Variants in CNTNAP5 observed in about 807,000 individuals in gnomAD.
CNTNAP5 encodes contactin-associated protein-like 5.
In CNTNAP5, 72 loss-of-function variants were observed where a neutral mutation model predicts 150.2. The ratio of observed to expected loss-of-function variants is 0.48; its 90% CI spans 0.40 to 0.58. CNTNAP5 has a LOEUF of 0.58. CNTNAP5 is among the 20% of genes least tolerant of loss of function. The pLI is 0.00. For missense variants in CNTNAP5, 1,636 were observed against 1,626.2 expected (o/e 1.01, Z -0.10); for synonymous variants, 672 against 619.8 (o/e 1.08, Z -1.25).
chr2:124,294,985 G>A (rs1186042162), intron 3 of CNTNAP5, among the ~76,000 whole-genome samples: 1 of 151,984 alleles, frequency 6.6e-6, no homozygotes, highest in Non-Finnish European at 1.5e-5. Flanking sequence ...GGGATTACAG[G>A]CACCCAGCTA....
In CNTNAP5 at chr2:124,700,950, A is replaced by T. The variant is rs202123663; in HGVS notation, c.2078-46279A>T. On this transcript the variant is annotated intron_variant, in intron 13 of 23. Coordinates refer to ENST00000682447, the MANE Select transcript of CNTNAP5 (RefSeq NM_001367498.1). ...TAATAGTAAAAAGGTTATTATACTG[A>T]GGCAAATTAACGTATCTATCATCTC... 8.5e-5 allele frequency among the ~76,000 whole-genome samples: 13 copies of T among 152,210 alleles called. No homozygotes were observed. The East Asian group carries it at 2.5e-3, about 29-fold the overall frequency.
chr2:124,258,677 G>A (rs1045864273), intron 3 of CNTNAP5, among the ~76,000 whole-genome samples: 1 of 152,144 alleles, frequency 6.6e-6, no homozygotes, highest in African/African-American at 2.4e-5. Flanking sequence ...AGTTGTGACT[G>A]TGCTATCCTG....
At chr2:124,503,507 T>G (rs1037155096) in intron 7 of CNTNAP5, among the ~76,000 whole-genome samples, 7 of 152,240 alleles carry the variant, frequency 4.6e-5, no homozygotes, top group African/African-American at 1.7e-4. Context: ...TTGGGTTCGA[T>G]GCACACTTAA....
chr2:124,555,008 C>T (rs1695718413), intron 10 of CNTNAP5, among the ~76,000 whole-genome samples: 1 of 152,116 alleles, frequency 6.6e-6, no homozygotes, highest in Admixed American at 6.6e-5. Context: ...TGATGTAAGA[C>T]ATTAAGATTC....
At chr2:124,168,801 AT>A (rs928833680) in intron 1 of CNTNAP5, among the ~76,000 whole-genome samples, 3 of 152,126 alleles carry the variant, frequency 2.0e-5, no homozygotes, top group Admixed American at 6.5e-5. Context: ...ATTTATTGAA[AT>A]TTTTTTCTCA....
At chr2:124,038,455 C>T (rs548582839) in intron 1 of CNTNAP5, among the ~76,000 whole-genome samples, 2 of 152,066 alleles carry the variant, frequency 1.3e-5, no homozygotes, top group Non-Finnish European at 2.9e-5. Context: ...TACAGTCTTG[C>T]CTCTCTTCTG....
At chr2:124,529,825 G>A (rs1019765614) in intron 10 of CNTNAP5, among the ~76,000 whole-genome samples, 6 of 152,072 alleles carry the variant, frequency 3.9e-5, no homozygotes, top group South Asian at 4.1e-4. Flanking sequence ...TTGCCAGTCC[G>A]TTGTTGCAGG....
At chr2:124,403,433 G>A (rs1051714143) in intron 3 of CNTNAP5, among the ~76,000 whole-genome samples, 3 of 152,114 alleles carry the variant, frequency 2.0e-5, no homozygotes, top group South Asian at 2.1e-4. Flanking sequence ...TGAGTAAACA[G>A]ATTAAGAAAA....
intron 1 of CNTNAP5, among the ~76,000 whole-genome samples, chr2:124,176,862 T>TTTTTTTTTTTAG (rs1685078604): frequency 5.7e-5 from 7 of 121,950 alleles, no homozygotes; most frequent in African/African-American, 8.8e-5. Flanking sequence ...TTTTTTTTTT[T>TTTTTTTTTTTAG]ACATGGCGTT....
At chr2:124,572,735 C>A (rs1428461088) in intron 11 of CNTNAP5, among the ~76,000 whole-genome samples, 1 of 152,166 alleles carries the variant, frequency 6.6e-6, no homozygotes, top group Non-Finnish European at 1.5e-5. Context: ...TCAGCTCTAG[C>A]CCTGTTAGAC....
At chr2:124,783,507 G>T (rs1226291345) in intron 17 of CNTNAP5, among the ~76,000 whole-genome samples, 1 of 152,020 alleles carries the variant, frequency 6.6e-6, no homozygotes, top group Non-Finnish European at 1.5e-5. Flanking sequence ...GTGCAATAAA[G>T]CCAGTAATAA....
chr2:124,437,168 C>A (rs1692552176), intron 5 of CNTNAP5, among the ~76,000 whole-genome samples: 1 of 152,170 alleles, frequency 6.6e-6, no homozygotes, highest in African/African-American at 2.4e-5. Context: ...AGAAACTCTT[C>A]CTAAAGTAGG....
intron 11 of CNTNAP5, among the ~76,000 whole-genome samples, chr2:124,597,488 T>C (rs1294351717): frequency 6.6e-6 from 1 of 150,572 alleles, no homozygotes; most frequent in Non-Finnish European, 1.5e-5. Flanking sequence ...TCTTCTGGCT[T>C]GTAGGGTTTC....
intron 3 of CNTNAP5, among the ~76,000 whole-genome samples, chr2:124,370,824 A>G (rs1003578486): frequency 6.6e-6 from 1 of 152,110 alleles, no homozygotes; most frequent in Non-Finnish European, 1.5e-5. Context: ...AGACAGATTA[A>G]CAAGAGAAAA....
rs74624765 is a variant in CNTNAP5, at chr2:124,529,429, A to G, written c.1649+1973A>G. 6.6e-3 allele frequency among the ~76,000 whole-genome samples: 1,005 copies of G among 152,274 alleles called. 11 individuals are homozygous for G. Among genetic ancestry groups the G allele is most frequent in the African/African-American group, 0.022 (905 of 41,538 alleles). ...TTGTATTACATACAATTGTGCTTTC[A>G]TTAATTGTATAATAAGGGATTGTGT... On this transcript the variant is annotated intron_variant, in intron 10 of 23. Coordinates refer to ENST00000682447, the MANE Select transcript of CNTNAP5 (RefSeq NM_001367498.1).
chr2:124,814,488 G>T (rs534516334), intron 19 of CNTNAP5, among the ~76,000 whole-genome samples: 1 of 152,128 alleles, frequency 6.6e-6, no homozygotes, highest in East Asian at 1.9e-4. Flanking sequence ...CAATGTGGGG[G>T]CCCAGTGTCT....
chr2:124,228,098 G>C lies in CNTNAP5; in HGVS notation c.187+6289G>C, dbSNP rs1347977406. ...GAGTCCAAAGATCTGAGAACTGGGG[G>C]AACCAGTGGTGTGACCCTCCATCTG... On this transcript the variant is annotated intron_variant, in intron 2 of 23. Transcript: ENST00000682447. Among the ~76,000 whole-genome samples, 3 of 152,060 alleles carry C rather than the reference G, an allele frequency of 2.0e-5. No homozygotes were observed. In the East Asian group the frequency reaches 5.8e-4, roughly 29 times the overall value.
At chr2:124,066,538 T>C (rs1682161083) in intron 1 of CNTNAP5, among the ~76,000 whole-genome samples, 1 of 152,138 alleles carries the variant, frequency 6.6e-6, no homozygotes, top group Admixed American at 6.6e-5. Flanking sequence ...ATATCTATTA[T>C]TGTGCTTGGG....
intron 21 of CNTNAP5, among the ~76,000 whole-genome samples, chr2:124,880,433 T>A (rs1408628469): frequency 6.6e-6 from 1 of 152,152 alleles, no homozygotes. Flanking sequence ...AACTGCTGCC[T>A]ACTCTAATCA....
Sources: gnomAD v4.1 joint callset for allele counts (sites outside exome capture counted in the v4.1 genomes callset) on GRCh38, gnomAD v4.1.1 for gene constraint, MANE v1.5 for transcripts, NCBI Gene and HGNC (gene_info 2026-07-23, HGNC 2026-07-21) for gene names.